The following TRPC4 variants were observed in gnomAD, a reference collection of about 807,000 sequenced individuals.
TRPC4 encodes the protein transient receptor potential cation channel subfamily C member 4.
Under a neutral mutation model 99.4 loss-of-function variants are expected in TRPC4, and 49 were observed. The observed-to-expected ratio is 0.49, with a 90% CI of 0.39 to 0.63. TRPC4 has a LOEUF of 0.63. Ranked by LOEUF, TRPC4 falls within the 20% of genes least tolerant of loss-of-function variation. TRPC4 has a pLI of 0.00. For synonymous variants in TRPC4, 454 were observed against 425.9 expected, an observed-to-expected ratio of 1.07 and a Z score of -0.81; for missense variants, 898 against 1,152.9, an observed-to-expected ratio of 0.78 and a Z score of 3.20.
chr13:37,704,021 T>C (rs1478022478), intron 3 of TRPC4, among the ~76,000 whole-genome samples: 3 of 152,132 alleles, frequency 2.0e-5, no homozygotes, highest in Non-Finnish European at 4.4e-5. Flanking sequence ...GGAAGATTAG[T>C]CAGCAATGAA....
At chr13:37,691,234 T>C (rs1953691238) in intron 4 of TRPC4, among the ~76,000 whole-genome samples, 1 of 152,080 alleles carries the variant, frequency 6.6e-6, no homozygotes, top group Admixed American at 6.5e-5. Flanking sequence ...CCCGAGTAGC[T>C]GGGACTACAG....
At chr13:37,759,959 T>C (rs1956182360) in intron 2 of TRPC4, among the ~76,000 whole-genome samples, 1 of 152,170 alleles carries the variant, frequency 6.6e-6, no homozygotes, top group Middle Eastern at 3.4e-3. Context: ...TGTAGAAACA[T>C]ATTCTTGTGT....
chr13:37,800,215 A>ATTATAAAAT (rs1252610127), intron 1 of TRPC4, among the ~76,000 whole-genome samples: 1 of 152,070 alleles, frequency 6.6e-6, no homozygotes, highest in Non-Finnish European at 1.5e-5. Flanking sequence ...TTATTTAGAG[A>ATTATAAAAT]TAGGTCTTAC....
rs527956060 is a variant in TRPC4, at chr13:37,632,561, T to C, written c.*4342A>G. On this transcript the variant is annotated 3_prime_UTR_variant, in exon 11 of 11. Transcript: ENST00000379705. ...CGGTTTTGCTACTGGTGAATTTGAC[T>C]TGCAGAGACGTCTTCACTGTCAGCC... Among the ~76,000 whole-genome samples, 123 of 152,320 alleles carry C rather than the reference T, an allele frequency of 8.1e-4. 1 individual carries two copies. The highest frequency in any genetic ancestry group is 2.9e-3 in the African/African-American group (120 of 41,570).
intron 3 of TRPC4, among the ~76,000 whole-genome samples, chr13:37,731,191 A>G (rs2139083741): frequency 6.6e-6 from 1 of 152,196 alleles, no homozygotes; most frequent in East Asian, 1.9e-4. Flanking sequence ...GCTGTTCGAA[A>G]TAATCTATTA....
chr13:37,719,205 G>A (rs1954780974), intron 3 of TRPC4, among the ~76,000 whole-genome samples: 1 of 152,060 alleles, frequency 6.6e-6, no homozygotes, highest in South Asian at 2.1e-4. Flanking sequence ...TTCAAGAATG[G>A]AGATAAGTGG....
chr13:37,845,610 AAAAT>A lies in TRPC4; in HGVS notation c.-28+23981_-28+23984del, dbSNP rs536497215. ...AATTATCCAATCGATCAGAGGAGCA[AAAAT>A]AAATAAATAAATAAATAAGAATGAA... is the stretch of plus-strand genomic sequence containing the variant. On this transcript the variant is annotated intron_variant, in intron 1 of 10. Coordinates refer to ENST00000379705, the MANE Select transcript of TRPC4 (RefSeq NM_016179.4). Among the ~76,000 whole-genome samples the A allele has an allele frequency of 8.6e-5, 13 of 151,988 alleles. No homozygotes were observed. In the East Asian group the frequency reaches 9.7e-4, roughly 11 times the overall value.
intron 3 of TRPC4, among the ~76,000 whole-genome samples, chr13:37,738,792 C>A (rs890459504): frequency 3.9e-5 from 6 of 152,008 alleles, no homozygotes; most frequent in Non-Finnish European, 5.9e-5. Context: ...TGACGGTGGG[C>A]ATTAAGAAAG....
At position 37,632,087 on chromosome 13, in the gene TRPC4, T is replaced by A. The variant is rs185662962; in HGVS notation, c.*4816A>T. Among the ~76,000 whole-genome samples the A allele has an allele frequency of 6.6e-6, 1 of 152,294 alleles. No homozygotes were observed. Among genetic ancestry groups the A allele is most frequent in the African/African-American group, 2.4e-5 (1 of 41,558 alleles). ...ATCAAGGAGAGACTGCAAACTTTAATAGAGCTACACAAAACTTTTTTGAGT... is the reference window on the plus strand; with the variant it reads ...ATCAAGGAGAGACTGCAAACTTTAAAAGAGCTACACAAAACTTTTTTGAGT... On this transcript the variant is annotated 3_prime_UTR_variant, in exon 11 of 11. Coordinates refer to ENST00000379705, the MANE Select transcript of TRPC4 (RefSeq NM_016179.4).
At chr13:37,732,391 C>T (rs207473692) in intron 3 of TRPC4, among the ~76,000 whole-genome samples, 1 of 152,102 alleles carries the variant, frequency 6.6e-6, no homozygotes, top group Non-Finnish European at 1.5e-5. Context: ...GACAGCATTC[C>T]TGTTAAGAAC....
chr13:37,855,312 T>C (rs113712662), intron 1 of TRPC4, among the ~76,000 whole-genome samples: 4,467 of 145,812 alleles, frequency 0.031, 110 homozygotes, highest in Middle Eastern at 0.069. Flanking sequence ...TATATATATA[T>C]ACACATGTAG....
intron 6 of TRPC4, among the ~76,000 whole-genome samples, chr13:37,661,975 G>A (rs1413104873): frequency 6.6e-6 from 1 of 152,030 alleles, no homozygotes; most frequent in East Asian, 1.9e-4. Context: ...TGAGTGAACC[G>A]GTCAGGCCAA....
chr13:37,828,174 G>A (rs2139578777), intron 1 of TRPC4, among the ~76,000 whole-genome samples: 1 of 152,252 alleles, frequency 6.6e-6, no homozygotes, highest in East Asian at 1.9e-4. Flanking sequence ...CCACTGTCTG[G>A]CACTCCCTAG....
chr13:37,745,537 C>CGT (rs1955747441), intron 3 of TRPC4, among the ~76,000 whole-genome samples: 1 of 63,616 alleles, frequency 1.6e-5, no homozygotes, highest in African/African-American at 1.1e-4. Flanking sequence ...TGTATATATA[C>CGT]GTATATATAT....
At chr13:37,743,864 G>T (rs1176936368) in intron 3 of TRPC4, among the ~76,000 whole-genome samples, 3 of 152,090 alleles carry the variant, frequency 2.0e-5, no homozygotes, top group East Asian at 3.9e-4. Context: ...TGAGTACTTT[G>T]TTCCCAGGCT....
intron 6 of TRPC4, among the ~76,000 whole-genome samples, chr13:37,657,776 C>G (rs947373100): frequency 3.3e-5 from 5 of 152,148 alleles, no homozygotes; most frequent in Non-Finnish European, 7.4e-5. Context: ...TTAATAAATA[C>G]TTTTGCAAAA....
At chr13:37,672,364 C>G (rs1410649142) in intron 5 of TRPC4, among the ~76,000 whole-genome samples, 1 of 152,156 alleles carries the variant, frequency 6.6e-6, no homozygotes, top group Non-Finnish European at 1.5e-5. Flanking sequence ...AGCTGTAGAA[C>G]AGGTCTATAC....
intron 8 of TRPC4, 106 bp downstream of exon 8, chr13:37,651,159 A>G: frequency 1.6e-6 from 2 of 1,242,180 alleles, no homozygotes. Context: ...ACATGCAATC[A>G]GTAAGAACAA....
At chr13:37,752,609 T>A (rs541981168) in intron 2 of TRPC4, among the ~76,000 whole-genome samples, 2 of 150,414 alleles carry the variant, frequency 1.3e-5, no homozygotes, top group South Asian at 2.1e-4. Flanking sequence ...TCCCACACCC[T>A]TTTTCTTTGC....
Sources: allele counts gnomAD v4.1 joint callset (sites outside exome capture counted in the v4.1 genomes callset), GRCh38; gene constraint gnomAD v4.1.1; transcripts MANE v1.5; gene names NCBI Gene and HGNC (gene_info 2026-07-23, HGNC 2026-07-21).